The following AFF3 variants were observed in gnomAD, a reference collection of about 807,000 sequenced individuals.
The protein encoded by AFF3 is AF4/FMR2 family member 3.
Under a neutral mutation model 129.7 loss-of-function variants are expected in AFF3, and 32 were observed. That is an observed-to-expected ratio of 0.25 (90% CI 0.19 to 0.33). The LOEUF (loss-of-function observed/expected upper bound fraction) is 0.33, where lower values mean the gene tolerates loss of function less well. Ranked by LOEUF, AFF3 falls within the 10% of genes least tolerant of loss-of-function variation. The pLI, the probability that AFF3 is intolerant of heterozygous loss-of-function variation, is 1.00. For synonymous variants in AFF3, 644 were observed against 635.4 expected (o/e 1.01, Z -0.20); for missense variants, 1,373 against 1,592.0 (o/e 0.86, Z 2.34).
chr2:100,128,878 T>G (rs1275107276), intron 2 of AFF3, among the ~76,000 whole-genome samples: 1 of 152,206 alleles, frequency 6.6e-6, no homozygotes, highest in Non-Finnish European at 1.5e-5. Context: ...CTCTAAGGTC[T>G]CAGCACGGAG....
intron 4 of AFF3, among the ~76,000 whole-genome samples, chr2:100,071,214 G>T (rs1228778930): frequency 6.6e-6 from 1 of 151,988 alleles, no homozygotes; most frequent in African/African-American, 2.4e-5. Context: ...TTTCTAAGAA[G>T]AAATAGAATG....
chr2:99,717,961 C>G (rs2104922887), intron 11 of AFF3, among the ~76,000 whole-genome samples: 1 of 152,318 alleles, frequency 6.6e-6, no homozygotes, highest in South Asian at 2.1e-4. Flanking sequence ...GCTTTGGTGT[C>G]TCTGAGGAAA....
chr2:99,714,317 C>G (rs979925802), intron 11 of AFF3, among the ~76,000 whole-genome samples: 1 of 152,170 alleles, frequency 6.6e-6, no homozygotes, highest in African/African-American at 2.4e-5. Flanking sequence ...AGCCATGCCC[C>G]TTTGCAGGCC....
chr2:99,935,006 T>C (rs142485185), intron 7 of AFF3, among the ~76,000 whole-genome samples: 77 of 152,360 alleles, frequency 5.1e-4, no homozygotes, highest in Admixed American at 9.8e-4. Flanking sequence ...CATGTATACC[T>C]TATTTCTCAA....
At chr2:100,004,858 CA>C (rs1273801438) in intron 7 of AFF3, among the ~76,000 whole-genome samples, 2,002 of 141,584 alleles carry the variant, frequency 0.014, 25 homozygotes, top group African/African-American at 0.033. Context: ...CCCCCCTTCA[CA>C]AAAAAAAAAA....
rs368787304 is a variant in AFF3 at position 100,114,165 on chromosome 2, C to T, written c.-144-8582G>A. Among the ~76,000 whole-genome samples the T allele has an allele frequency of 5.9e-5, 9 of 152,216 alleles. No individual in the cohort carries two copies. The South Asian group carries it at 1.7e-3, about 28-fold the overall frequency. ...GAAAGTATTTCACAGAGGATTCAGC[C>T]CAGGGGTTTTTCTTTTCTTAGTTGT... is the stretch of plus-strand genomic sequence containing the variant. On this transcript the variant is annotated intron_variant, in intron 2 of 24. Coordinates refer to ENST00000672756, the MANE Select transcript of AFF3 (RefSeq NM_001386135.1).
At chr2:99,919,187 C>A (rs1301029683) in intron 7 of AFF3, among the ~76,000 whole-genome samples, 3 of 152,136 alleles carry the variant, frequency 2.0e-5, no homozygotes, top group Non-Finnish European at 4.4e-5. Context: ...GCACCTAATT[C>A]TTCTTTTATG....
intron 20 of AFF3, among the ~76,000 whole-genome samples, chr2:99,564,457 G>C (rs1675780305): frequency 6.6e-6 from 1 of 152,106 alleles, no homozygotes; most frequent in African/African-American, 2.4e-5. Context: ...CAGTATAAAG[G>C]ATTCACCAAT....
At chr2:99,950,624 T>C (rs1336316689) in intron 7 of AFF3, among the ~76,000 whole-genome samples, 1 of 152,198 alleles carries the variant, frequency 6.6e-6, no homozygotes, top group Non-Finnish European at 1.5e-5. Context: ...CATGAAATCA[T>C]TTTATCTTAC....
Position 99,729,914 on chromosome 2 carries a change from T to A in AFF3, c.1040-2786A>T, listed in dbSNP as rs368084436. Among the ~76,000 whole-genome samples, 8 of 152,036 alleles carry A rather than the reference T, an allele frequency of 5.3e-5. No homozygotes were observed. In the South Asian group the frequency reaches 1.5e-3, roughly 28 times the overall value. ...CTGCATTGGTCATTAATAAGCTGGG[T>A]GCAGGGAAGCCATTTTACATGCGGA... On this transcript the variant is annotated intron_variant, in intron 10 of 24. Coordinates refer to ENST00000672756, the MANE Select transcript of AFF3 (RefSeq NM_001386135.1).
At chr2:99,762,264 C>T (rs1682680099) in intron 8 of AFF3, among the ~76,000 whole-genome samples, 1 of 152,118 alleles carries the variant, frequency 6.6e-6, no homozygotes, top group East Asian at 1.9e-4. Context: ...CCTGGGACTA[C>T]AGGCACATGC....
chr2:99,895,070 C>A (rs955894494), intron 7 of AFF3, among the ~76,000 whole-genome samples: 7 of 152,204 alleles, frequency 4.6e-5, no homozygotes, highest in African/African-American at 1.7e-4. Flanking sequence ...AGAAACCACA[C>A]CATGATTACA....
intron 13 of AFF3, among the ~76,000 whole-genome samples, chr2:99,636,280 G>A (rs1683645138): frequency 6.6e-6 from 1 of 152,204 alleles, no homozygotes; most frequent in Admixed American, 6.5e-5. Flanking sequence ...GCCACAGGGA[G>A]GCCATGTGGG....
intron 13 of AFF3, among the ~76,000 whole-genome samples, chr2:99,603,867 T>C (rs752560871): frequency 2.0e-5 from 3 of 152,012 alleles, no homozygotes. Context: ...AAAAAGCATA[T>C]AGAAAAAAGC....
At chr2:99,833,256 T>C (rs1277733233) in intron 8 of AFF3, among the ~76,000 whole-genome samples, 1 of 152,164 alleles carries the variant, frequency 6.6e-6, no homozygotes, top group Non-Finnish European at 1.5e-5. Flanking sequence ...TGCTCCTGAG[T>C]TTCTGGAAAA....
chr2:100,022,977 A>C (rs1683722296), intron 4 of AFF3, among the ~76,000 whole-genome samples: 1 of 152,188 alleles, frequency 6.6e-6, no homozygotes, highest in Admixed American at 6.5e-5. Context: ...TGCCAACTCA[A>C]CATCAATTAG....
intron 2 of AFF3, among the ~76,000 whole-genome samples, chr2:100,113,423 A>G (rs1211272379): frequency 6.6e-6 from 1 of 152,236 alleles, no homozygotes; most frequent in Admixed American, 6.5e-5. Flanking sequence ...TGAAACAGAC[A>G]TGGTCTCATG....
At chr2:100,021,758 A>G (rs1683618466) in intron 4 of AFF3, among the ~76,000 whole-genome samples, 1 of 152,244 alleles carries the variant, frequency 6.6e-6, no homozygotes, top group South Asian at 2.1e-4. Flanking sequence ...CCTTTCATCA[A>G]TGAAAAAAGT....
intron 7 of AFF3, among the ~76,000 whole-genome samples, chr2:99,931,718 G>A (rs747622743): frequency 6.6e-6 from 1 of 152,176 alleles, no homozygotes; most frequent in Admixed American, 6.5e-5. Context: ...AGACCAGCCT[G>A]GCCAACATGA....
Sources: gnomAD v4.1 joint callset for allele counts (sites outside exome capture counted in the v4.1 genomes callset) on GRCh38, gnomAD v4.1.1 for gene constraint, MANE v1.5 for transcripts, NCBI Gene and HGNC (gene_info 2026-07-23, HGNC 2026-07-21) for gene names.